NPAS3: variants seen among roughly 807,000 people sequenced by gnomAD.
NPAS3 encodes neuronal PAS domain protein 3.
In NPAS3, 14 loss-of-function variants were observed where a neutral mutation model predicts 73.1. The observed-to-expected ratio is 0.19, with a 90% CI of 0.13 to 0.30. The LOEUF (loss-of-function observed/expected upper bound fraction) is 0.30. Among genes scored for constraint, NPAS3 ranks in the 10% least tolerant of loss-of-function variants. The pLI, the probability that NPAS3 is intolerant of heterozygous loss-of-function variation, is 1.00. For synonymous variants in NPAS3, 620 were observed against 541.5 expected (o/e 1.14, Z -2.01); for missense variants, 1,096 against 1,250.0 (o/e 0.88, Z 1.86).
intron 7 of NPAS3, among the ~76,000 whole-genome samples, chr14:33,754,249 G>A (rs2062048284): frequency 6.6e-6 from 1 of 152,128 alleles, no homozygotes; most frequent in Admixed American, 6.5e-5. Context: ...GAGCACTAAG[G>A]AAATAGGTGG....
rs1455593550 is a variant in NPAS3 at position 33,800,478 on chromosome 14, C to T, written c.2171C>T (p.Ala724Val). The T allele has an allele frequency of 2.0e-6, 3 of 1,483,044 alleles. No individual in the cohort carries two copies. The highest frequency in any genetic ancestry group is 2.6e-5 in the Admixed American group (1 of 38,168). The allele number at this position is 1,483,044 out of a possible 1,614,324, so 91.9% of individuals were successfully genotyped here. ...CTCACCCCGCCCGGCGCCGACGGCG[C>T]GGCCGCCCGCAAGACTCAGTTCGGC... The change falls in exon 12 of 12, where the codon GCG becomes GTG. Residue 724 changes from alanine (A) to valine (V), a missense_variant. Ala to Val is a moderately conservative substitution (Grantham distance 64). This residue lies in a region of NPAS3 where 698 missense variants were observed against 676.7 expected (regional missense o/e 1.03). Transcript: ENST00000356141. The surrounding 1 kb of genome is among the most constrained non-coding windows in gnomAD (Gnocchi z 6.5).
At position 33,342,113 on chromosome 14, in the gene NPAS3, G is replaced by A. The variant is rs375486614; in HGVS notation, c.386-25073G>A. On this transcript the variant is annotated intron_variant, in intron 3 of 11. Coordinates refer to ENST00000356141, the Ensembl canonical transcript of NPAS3. ...ACAGAAATATTGGGTCTAACATATC[G>A]CAAATAAATTATTTTTAAGGGAGGG... 1.5e-4 allele frequency among the ~76,000 whole-genome samples: 23 copies of A among 152,128 alleles called. No homozygotes were observed. The East Asian group carries it at 1.5e-3, about 10-fold the overall frequency.
intron 2 of NPAS3, among the ~76,000 whole-genome samples, chr14:33,168,877 GAGGATTTT>G (rs1566633150): frequency 6.7e-4 from 102 of 152,330 alleles, no homozygotes; most frequent in African/African-American, 2.4e-3. Context: ...CTTTCTCAAA[GAGGATTTT>G]GGTAAATTCT....
At chr14:33,313,039 A>G (rs936019164) in intron 3 of NPAS3, among the ~76,000 whole-genome samples, 11 of 152,002 alleles carry the variant, frequency 7.2e-5, no homozygotes, top group African/African-American at 2.7e-4. Context: ...AGCTCATGAA[A>G]ATGCATGAAG....
intron 1 of NPAS3, among the ~76,000 whole-genome samples, chr14:32,959,281 CT>C (rs1289919940): frequency 3.9e-5 from 6 of 152,132 alleles, no homozygotes; most frequent in Non-Finnish European, 8.8e-5. Context: ...ACCACAAAAC[CT>C]TTAATGCCAC....
chr14:33,552,212 A>C lies in NPAS3; in HGVS notation c.469-7909A>C, dbSNP rs1003507737. Among the ~76,000 whole-genome samples, 35 of 152,204 alleles carry C rather than the reference A, an allele frequency of 2.3e-4. 2 individuals carry two copies. Among genetic ancestry groups the C allele is most frequent in the African/African-American group, 1.2e-4 (5 of 41,454 alleles). ...TCACTCGTGTGGAAAGAAATGCTGG[A>C]AGAGGCAAGGATTCCACACAGCTAT... is the stretch of plus-strand genomic sequence containing the variant. On this transcript the variant is annotated intron_variant, in intron 4 of 11. Coordinates refer to ENST00000356141, the Ensembl canonical transcript of NPAS3.
chr14:33,132,702 C>T (rs2139118147), intron 2 of NPAS3, among the ~76,000 whole-genome samples: 1 of 152,070 alleles, frequency 6.6e-6, no homozygotes, highest in South Asian at 2.1e-4. Context: ...ATGTCTTGTG[C>T]CACAGAAATG....
intron 4 of NPAS3, among the ~76,000 whole-genome samples, chr14:33,416,221 C>T (rs1213947617): frequency 1.3e-5 from 2 of 151,884 alleles, no homozygotes; most frequent in African/African-American, 4.8e-5. Flanking sequence ...GGATAAATTC[C>T]CTGATAATAA....
At chr14:33,727,000 T>G (rs1189717291) in intron 6 of NPAS3, among the ~76,000 whole-genome samples, 1 of 152,178 alleles carries the variant, frequency 6.6e-6, no homozygotes, top group Non-Finnish European at 1.5e-5. Context: ...CACGGTATTG[T>G]AGTTAGTAAT....
At chr14:33,213,308 G>A (rs906546788) in intron 2 of NPAS3, among the ~76,000 whole-genome samples, 39 of 152,228 alleles carry the variant, frequency 2.6e-4, no homozygotes, top group African/African-American at 9.4e-4. Context: ...AAAGAATAAA[G>A]CACTGAACTT....
Position 33,514,514 on chromosome 14 carries a change from G to C in NPAS3, c.469-45607G>C, listed in dbSNP as rs919904335. Among the ~76,000 whole-genome samples, 5 of 151,982 alleles carry C rather than the reference G, an allele frequency of 3.3e-5. No individual in the cohort carries two copies. In the East Asian group the frequency reaches 9.7e-4, roughly 29 times the overall value. ...TGGTGAATATTCTTCTCCTAAAAAG[G>C]CATAAGTAAGTTGATGAGGAAGCAA... is the stretch of plus-strand genomic sequence containing the variant. On this transcript the variant is annotated intron_variant, in intron 4 of 11. Coordinates refer to ENST00000356141, the Ensembl canonical transcript of NPAS3.
At chr14:33,621,419 A>T (rs1464926741) in intron 5 of NPAS3, among the ~76,000 whole-genome samples, 1 of 152,200 alleles carries the variant, frequency 6.6e-6, no homozygotes, top group Non-Finnish European at 1.5e-5. Flanking sequence ...TCTCCCCTCT[A>T]GTTCTAATAG....
At chr14:32,953,444 G>A (rs192322706) in intron 1 of NPAS3, among the ~76,000 whole-genome samples, 17 of 152,276 alleles carry the variant, frequency 1.1e-4, no homozygotes, top group African/African-American at 2.6e-4. Flanking sequence ...TGAGTGAGGC[G>A]TCTTCTGTCC....
chr14:33,254,797 A>G (rs937969130), intron 3 of NPAS3, among the ~76,000 whole-genome samples: 1 of 152,204 alleles, frequency 6.6e-6, no homozygotes, highest in African/African-American at 2.4e-5. Context: ...ATTATCAAAT[A>G]TGAAATGACT....
rs575647416 is a variant in NPAS3, at chr14:33,290,880, A to G, written c.385+75454A>G. ...AATACAGTAAGTTTAAAGCGGCAGC[A>G]TAATTGTCACAGGTTTCTAAAGATA... On this transcript the variant is annotated intron_variant, in intron 3 of 11. Transcript: ENST00000356141. Among the ~76,000 whole-genome samples the G allele has an allele frequency of 4.6e-5, 7 of 152,318 alleles. No homozygotes were observed. The South Asian group carries it at 1.5e-3, about 32-fold the overall frequency.
In NPAS3 at chr14:33,085,003, C is replaced by T. The variant is rs10140912; in HGVS notation, c.140+29009C>T. 6.2e-3 allele frequency among the ~76,000 whole-genome samples: 949 copies of T among 152,292 alleles called. 10 individuals carry two copies. Among genetic ancestry groups the T allele is most frequent in the African/African-American group, 0.022 (915 of 41,558 alleles). On this transcript the variant is annotated intron_variant, in intron 2 of 11. Coordinates refer to ENST00000356141, the Ensembl canonical transcript of NPAS3. ...TAGCCAAACTGAAGTTTGACCTCAT[C>T]TGGAGAAGTTTTATAATTTTTCTAA...
intron 3 of NPAS3, among the ~76,000 whole-genome samples, chr14:33,288,285 A>G (rs1024668779): frequency 3.6e-4 from 54 of 152,016 alleles, no homozygotes; most frequent in African/African-American, 1.3e-3. Context: ...TGCATTTTTC[A>G]TACATCCTCT....
At chr14:33,321,468 A>G (rs980618394) in intron 3 of NPAS3, among the ~76,000 whole-genome samples, 2 of 151,920 alleles carry the variant, frequency 1.3e-5, no homozygotes, top group African/African-American at 4.8e-5. Context: ...GAGTAGAACA[A>G]TGTGGCCCTT....
intron 1 of NPAS3, among the ~76,000 whole-genome samples, chr14:32,968,790 T>C (rs1260149314): frequency 7.1e-6 from 1 of 141,168 alleles, no homozygotes; most frequent in Non-Finnish European, 1.6e-5. Context: ...TTTTTTAAAC[T>C]TATTTTGAGC....
Sources: allele counts gnomAD v4.1 joint callset (sites outside exome capture counted in the v4.1 genomes callset), GRCh38; gene constraint gnomAD v4.1.1; regional missense constraint gnomAD v4.1.1; non-coding constraint Gnocchi (gnomAD v3.1); transcripts MANE v1.5; gene names NCBI Gene and HGNC (gene_info 2026-07-23, HGNC 2026-07-21).